DLG2: variants seen among roughly 807,000 people sequenced by gnomAD.
The protein encoded by DLG2 is discs large MAGUK scaffold protein 2.
In DLG2, 45 loss-of-function variants were observed where a neutral mutation model predicts 132.5. The ratio of observed to expected loss-of-function variants is 0.34; its 90% confidence interval spans 0.27 to 0.44. DLG2 has a LOEUF of 0.44. DLG2 is among the 20% of genes least tolerant of loss of function. The pLI is 1.00. For missense variants in DLG2, 1,045 were observed against 1,196.9 expected (o/e 0.87, Z 1.87); for synonymous variants, 424 against 419.6 (o/e 1.01, Z -0.13).
At chr11:85,213,482 C>T (rs1391230284) in intron 4 of DLG2, among the ~76,000 whole-genome samples, 7 of 152,102 alleles carry the variant, frequency 4.6e-5, no homozygotes, top group Non-Finnish European at 1.5e-5. Context: ...GAGTTATTAT[C>T]TAAAGACCTG....
chr11:85,230,123 T>TA (rs2075216871), intron 4 of DLG2, among the ~76,000 whole-genome samples: 1 of 152,046 alleles, frequency 6.6e-6, no homozygotes, highest in Non-Finnish European at 1.5e-5. Flanking sequence ...GAACTTAAAG[T>TA]ATTGTTTAAA....
intron 3 of DLG2, among the ~76,000 whole-genome samples, chr11:85,364,893 G>C (rs778440880): frequency 8.1e-4 from 122 of 151,164 alleles, no homozygotes; most frequent in Non-Finnish European, 1.4e-3. Context: ...TTGGTTCAGA[G>C]TTGGTACATT....
At chr11:83,562,886 G>T (rs916549151) in intron 19 of DLG2, among the ~76,000 whole-genome samples, 1 of 150,926 alleles carries the variant, frequency 6.6e-6, no homozygotes, top group Admixed American at 6.6e-5. Context: ...ATCTGCATCT[G>T]GTCTTTAAGA....
chr11:83,881,141 G>C (rs2066151389), intron 15 of DLG2, among the ~76,000 whole-genome samples: 1 of 152,156 alleles, frequency 6.6e-6, no homozygotes, highest in East Asian at 1.9e-4. Flanking sequence ...GATGTGTTCA[G>C]ATCAGGGAAG....
chr11:84,866,177 G>A (rs181747309), intron 6 of DLG2, among the ~76,000 whole-genome samples: 30 of 147,548 alleles, frequency 2.0e-4, no homozygotes, highest in African/African-American at 7.3e-4. Context: ...TGCTCCTTCT[G>A]TGGGAGCTCC....
chr11:84,356,706 T>G (rs1244774722), intron 7 of DLG2, among the ~76,000 whole-genome samples: 1 of 152,100 alleles, frequency 6.6e-6, no homozygotes, highest in Non-Finnish European at 1.5e-5. Flanking sequence ...TTCTAATTAT[T>G]ATTATCAATA....
At chr11:83,577,042 A>C (rs512556) in intron 19 of DLG2, among the ~76,000 whole-genome samples, 47,427 of 149,506 alleles carry the variant, frequency 0.32, 8,553 homozygotes, top group East Asian at 0.49. Flanking sequence ...TGGGCTGGGG[A>C]AGGCAGATCC....
intron 9 of DLG2, among the ~76,000 whole-genome samples, chr11:84,142,080 G>A (rs997085301): frequency 3.3e-5 from 5 of 152,126 alleles, no homozygotes; most frequent in South Asian, 4.1e-4. Flanking sequence ...GAGGCAGGTG[G>A]ATCATGAGGT....
intron 7 of DLG2, among the ~76,000 whole-genome samples, chr11:84,522,760 G>C (rs2099308343): frequency 6.6e-6 from 1 of 152,104 alleles, no homozygotes; most frequent in South Asian, 2.1e-4. Flanking sequence ...TTGCCTTCTG[G>C]ACTATTTTTA....
chr11:84,324,875 T>C (rs1226903968), intron 7 of DLG2, among the ~76,000 whole-genome samples: 2 of 152,202 alleles, frequency 1.3e-5, no homozygotes, highest in Non-Finnish European at 2.9e-5. Flanking sequence ...TTTTGTATCC[T>C]ATAATTTTGT....
At chr11:83,792,488 C>G (rs2041839716) in intron 17 of DLG2, among the ~76,000 whole-genome samples, 1 of 152,072 alleles carries the variant, frequency 6.6e-6, no homozygotes, top group Non-Finnish European at 1.5e-5. Flanking sequence ...CTATTATTCT[C>G]TACAAAGGTA....
chr11:84,758,342 T>G (rs1472116372), intron 6 of DLG2, among the ~76,000 whole-genome samples: 2 of 152,242 alleles, frequency 1.3e-5, no homozygotes, highest in African/African-American at 4.8e-5. Context: ...TTCTGGCTCT[T>G]AACATTTAGA....
chr11:83,990,524 G>C (rs1470504481), intron 11 of DLG2, among the ~76,000 whole-genome samples: 1 of 152,144 alleles, frequency 6.6e-6, no homozygotes, highest in Non-Finnish European at 1.5e-5. Context: ...CTGAGGAGGA[G>C]GTGTCAGTGA....
chr11:84,504,830 A>AT (rs11392236), intron 7 of DLG2, among the ~76,000 whole-genome samples: 118,526 of 152,036 alleles, frequency 0.78, 47,493 homozygotes, highest in African/African-American at 0.95. Context: ...CAACATCTAT[A>AT]ATTGACTCTA....
At chr11:83,828,957 G>A (rs2053695673) in intron 17 of DLG2, among the ~76,000 whole-genome samples, 1 of 151,856 alleles carries the variant, frequency 6.6e-6, no homozygotes. Flanking sequence ...AATTACCTAG[G>A]AATATTCTAT....
chr11:84,519,952 G>T (rs1344486700), intron 7 of DLG2, among the ~76,000 whole-genome samples: 2 of 152,102 alleles, frequency 1.3e-5, no homozygotes, highest in Non-Finnish European at 2.9e-5. Context: ...AGGGAAAGGG[G>T]TCATAGTTTT....
intron 7 of DLG2, among the ~76,000 whole-genome samples, chr11:84,505,119 G>C (rs1325676941): frequency 6.6e-6 from 1 of 152,000 alleles, no homozygotes; most frequent in Non-Finnish European, 1.5e-5. Flanking sequence ...CCTCAGTTAT[G>C]ACCCTGGTGA....
chr11:85,559,818 TGATAGATA>T (rs59676725), intron 3 of DLG2, among the ~76,000 whole-genome samples: 2,538 of 144,422 alleles, frequency 0.018, 53 homozygotes, highest in African/African-American at 0.037. Context: ...GTTAGATGAT[TGATAGATA>T]GATAGATAGA....
At chr11:85,229,299 A>G (rs2075159357) in intron 4 of DLG2, among the ~76,000 whole-genome samples, 1 of 152,124 alleles carries the variant, frequency 6.6e-6, no homozygotes, top group Non-Finnish European at 1.5e-5. Context: ...TTTACAAGAA[A>G]AAAAACCACC....
Sources: allele counts gnomAD v4.1 joint callset (sites outside exome capture counted in the v4.1 genomes callset), GRCh38; gene constraint gnomAD v4.1.1; transcripts MANE v1.5; gene names NCBI Gene and HGNC (gene_info 2026-07-23, HGNC 2026-07-21).